Variants in NFIA observed in about 807,000 individuals in gnomAD.
NFIA encodes the protein nuclear factor 1 A-type.
NFIA carries 8 observed loss-of-function variants against 62.8 expected under a neutral mutation model. The ratio of observed to expected loss-of-function variants is 0.13; its 90% CI spans 0.07 to 0.23. The LOEUF (loss-of-function observed/expected upper bound fraction) is 0.23, where lower values mean the gene tolerates loss of function less well. Ranked by LOEUF, NFIA falls within the 10% of genes least tolerant of loss-of-function variation. NFIA has a pLI of 1.00. For missense variants in NFIA, 410 were observed against 642.1 expected (o/e 0.64, Z 3.91); for synonymous variants, 235 against 238.1 (o/e 0.99, Z 0.12).
At chr1:61,247,703 T>G (rs1009217597) in intron 2 of NFIA, among the ~76,000 whole-genome samples, 2 of 152,134 alleles carry the variant, frequency 1.3e-5, no homozygotes, top group African/African-American at 4.8e-5. Flanking sequence ...GTTTGGTGCC[T>G]ACAAATATTG....
intron 2 of NFIA, among the ~76,000 whole-genome samples, chr1:61,217,995 A>T (rs1050577381): frequency 8.5e-5 from 13 of 152,340 alleles, no homozygotes; most frequent in Non-Finnish European, 1.6e-4. Context: ...CACAGAGAAG[A>T]TACTTAATAA....
intron 6 of NFIA, among the ~76,000 whole-genome samples, chr1:61,374,433 T>C (rs1489553305): frequency 2.6e-5 from 4 of 152,268 alleles, no homozygotes; most frequent in Admixed American, 2.0e-4. Context: ...GTCCTGTCAC[T>C]GGGGTGTCTG....
intron 2 of NFIA, among the ~76,000 whole-genome samples, chr1:61,211,612 C>T (rs1011658330): frequency 1.3e-5 from 2 of 152,132 alleles, no homozygotes; most frequent in East Asian, 1.9e-4. Flanking sequence ...ATAAGAGACA[C>T]CAGGAAATAT....
At chr1:61,230,608 T>A (rs911819745) in intron 2 of NFIA, among the ~76,000 whole-genome samples, 1 of 152,198 alleles carries the variant, frequency 6.6e-6, no homozygotes, top group Non-Finnish European at 1.5e-5. Flanking sequence ...ATCCCTTCAT[T>A]ACACTACTGC....
chr1:61,311,068 A>G (rs185423323), intron 3 of NFIA, among the ~76,000 whole-genome samples: 2 of 152,164 alleles, frequency 1.3e-5, no homozygotes, highest in African/African-American at 2.4e-5. Flanking sequence ...TTAGTATTGC[A>G]TCGCGTTTTC....
chr1:61,446,343 G>A (rs1266114165), intron 10 of NFIA, among the ~76,000 whole-genome samples: 1 of 152,216 alleles, frequency 6.6e-6, no homozygotes. Context: ...TGCAGCTCAA[G>A]GCCTTCTTCA....
intron 2 of NFIA, among the ~76,000 whole-genome samples, chr1:61,263,443 T>G (rs774497651): frequency 1.1e-4 from 16 of 152,200 alleles, no homozygotes; most frequent in Non-Finnish European, 1.8e-4. Context: ...CAGGTAGAAC[T>G]GCTCGCTTGT....
chr1:61,407,541 A>G (rs1049385938), intron 9 of NFIA, among the ~76,000 whole-genome samples: 1 of 152,158 alleles, frequency 6.6e-6, no homozygotes, highest in African/African-American at 2.4e-5. Flanking sequence ...GCCTGGAATA[A>G]TGACAAAAAG....
At chr1:61,126,466 A>ACACACTCT (rs1553153101) in intron 2 of NFIA, among the ~76,000 whole-genome samples, 1 of 151,538 alleles carries the variant, frequency 6.6e-6, no homozygotes, top group Non-Finnish European at 1.5e-5. Flanking sequence ...ACACACACAC[A>ACACACTCT]CACACACACT....
intron 2 of NFIA, among the ~76,000 whole-genome samples, chr1:61,266,829 T>A (rs1657202829): frequency 6.6e-6 from 1 of 152,264 alleles, no homozygotes; most frequent in Admixed American, 6.5e-5. Context: ...CATGATGCTT[T>A]AACCAGTCTA....
intron 4 of NFIA, among the ~76,000 whole-genome samples, chr1:61,346,327 A>G (rs543766856): frequency 6.6e-6 from 1 of 152,306 alleles, no homozygotes; most frequent in East Asian, 1.9e-4. Flanking sequence ...GTTAGTCTTT[A>G]ACCTCAAAAA....
At chr1:61,445,344 C>T (rs1249608105) in intron 10 of NFIA, among the ~76,000 whole-genome samples, 1 of 152,154 alleles carries the variant, frequency 6.6e-6, no homozygotes, top group African/African-American at 2.4e-5. Flanking sequence ...GCCTCCCCCT[C>T]ATATCCCCTG....
At chr1:61,335,124 T>C (rs1661531668) in intron 4 of NFIA, among the ~76,000 whole-genome samples, 1 of 152,218 alleles carries the variant, frequency 6.6e-6, no homozygotes, top group Non-Finnish European at 1.5e-5. Flanking sequence ...GCTTTTTGAT[T>C]CTGCACACTG....
At chr1:61,391,654 G>A (rs916195519) in intron 7 of NFIA, among the ~76,000 whole-genome samples, 1 of 152,132 alleles carries the variant, frequency 6.6e-6, no homozygotes, top group Non-Finnish European at 1.5e-5. Context: ...GGCATTTTAA[G>A]TTTTTCTCTC....
At chr1:61,170,481 C>G (rs1001411818) in intron 2 of NFIA, among the ~76,000 whole-genome samples, 1 of 152,098 alleles carries the variant, frequency 6.6e-6, no homozygotes, top group African/African-American at 2.4e-5. Flanking sequence ...TAATAAATAG[C>G]CTTGGGAGGT....
chr1:61,110,047 AAGAG>A (rs1006731704), intron 2 of NFIA, among the ~76,000 whole-genome samples: 3 of 152,006 alleles, frequency 2.0e-5, no homozygotes, highest in South Asian at 2.1e-4. Flanking sequence ...GAGAGAGTGA[AAGAG>A]AGAGAGATAA....
At chr1:61,180,072 AC>A (rs1436056179) in intron 2 of NFIA, among the ~76,000 whole-genome samples, 1 of 152,026 alleles carries the variant, frequency 6.6e-6, no homozygotes, top group African/African-American at 2.4e-5. Flanking sequence ...TCTCTGCAGC[AC>A]CTCTTGACTC....
At chr1:61,191,644 C>T (rs1222477531) in intron 2 of NFIA, among the ~76,000 whole-genome samples, 1 of 152,178 alleles carries the variant, frequency 6.6e-6, no homozygotes, top group Non-Finnish European at 1.5e-5. Flanking sequence ...GTGCCTCTTT[C>T]TGGGTTCCGA....
chr1:61,326,958 C>G (rs1311797723), intron 3 of NFIA, among the ~76,000 whole-genome samples: 2 of 151,626 alleles, frequency 1.3e-5, no homozygotes, highest in African/African-American at 4.8e-5. Context: ...GGTCCCATGC[C>G]ATGGAAAGGA....
Sources: gnomAD v4.1 joint callset for allele counts (sites outside exome capture counted in the v4.1 genomes callset) on GRCh38, gnomAD v4.1.1 for gene constraint, MANE v1.5 for transcripts, NCBI Gene and HGNC (gene_info 2026-07-23, HGNC 2026-07-21) for gene names.